Variants in POU6F2 observed in about 807,000 individuals in gnomAD.
POU6F2 encodes the protein POU domain, class 6, transcription factor 2.
A neutral mutation model predicts 71.3 loss-of-function variants in POU6F2; 31 were observed. The ratio of observed to expected loss-of-function variants is 0.43; its 90% CI spans 0.33 to 0.59. The LOEUF (loss-of-function observed/expected upper bound fraction) is 0.59. Ranked by LOEUF, POU6F2 falls within the 20% of genes least tolerant of loss-of-function variation. The pLI is 0.04. For synonymous variants in POU6F2, 347 were observed against 355.7 expected (o/e 0.98, Z 0.27); for missense variants, 783 against 856.8 (o/e 0.91, Z 1.07).
At chr7:39,301,425 T>A (rs1456661384) in intron 4 of POU6F2, among the ~76,000 whole-genome samples, 4 of 152,216 alleles carry the variant, frequency 2.6e-5, no homozygotes, top group African/African-American at 7.2e-5. Context: ...CCATTGTAGC[T>A]CGTTGTCATC....
intron 5 of POU6F2, among the ~76,000 whole-genome samples, chr7:39,389,308 C>T (rs991073077): frequency 1.3e-5 from 2 of 152,142 alleles, no homozygotes; most frequent in African/African-American, 4.8e-5. Context: ...AATCTTGTCA[C>T]TGATGAATTC....
chr7:39,068,821 T>G (rs549068225), intron 1 of POU6F2, among the ~76,000 whole-genome samples: 1 of 152,278 alleles, frequency 6.6e-6, no homozygotes, highest in South Asian at 2.1e-4. Flanking sequence ...TTCCTCAGAA[T>G]ATATCTTTAG....
At chr7:39,318,967 A>G (rs61642750) in intron 4 of POU6F2, among the ~76,000 whole-genome samples, 11,099 of 152,058 alleles carry the variant, frequency 0.073, 531 homozygotes, top group South Asian at 0.18. Context: ...ACATAGTGAG[A>G]CTCCATCTCT....
At chr7:39,142,325 C>T (rs1221847057) in intron 2 of POU6F2, among the ~76,000 whole-genome samples, 3 of 152,004 alleles carry the variant, frequency 2.0e-5, no homozygotes, top group Non-Finnish European at 2.9e-5. Context: ...TACCGTGAGC[C>T]GTAGAAAAGA....
chr7:39,326,886 A>G (rs977400508), intron 4 of POU6F2, among the ~76,000 whole-genome samples: 3 of 152,176 alleles, frequency 2.0e-5, no homozygotes, highest in African/African-American at 7.2e-5. Context: ...TCCCAGCTCC[A>G]GTTTCCCACC....
chr7:39,436,138 A>C (rs1788236417), intron 7 of POU6F2, among the ~76,000 whole-genome samples: 1 of 152,144 alleles, frequency 6.6e-6, no homozygotes, highest in African/African-American at 2.4e-5. Flanking sequence ...AATTTAAAAT[A>C]GTTTTTTCTA....
intron 5 of POU6F2, among the ~76,000 whole-genome samples, chr7:39,395,207 C>T (rs1239967070): frequency 1.3e-5 from 2 of 152,168 alleles, no homozygotes; most frequent in African/African-American, 4.8e-5. Context: ...CAAGGTCCTC[C>T]CTCTACAAGC....
intron 5 of POU6F2, among the ~76,000 whole-genome samples, chr7:39,404,409 T>A (rs1787372201): frequency 6.6e-6 from 1 of 152,228 alleles, no homozygotes; most frequent in Admixed American, 6.5e-5. Context: ...CCTATATGAA[T>A]TTTTGATCAA....
intron 5 of POU6F2, among the ~76,000 whole-genome samples, chr7:39,401,255 A>G (rs1431855306): frequency 1.3e-5 from 2 of 152,326 alleles, no homozygotes; most frequent in African/African-American, 4.8e-5. Flanking sequence ...GCAGTGGTCA[A>G]TGGAGACAGT....
chr7:39,132,629 A>G (rs1792310918), intron 2 of POU6F2: 1 of 152,150 alleles, frequency 6.6e-6, no homozygotes, highest in South Asian at 2.1e-4. Context: ...ATCTAACACA[A>G]TTGGTCACAT....
chr7:39,387,714 C>CT (rs2115820938), intron 5 of POU6F2, among the ~76,000 whole-genome samples: 1 of 152,320 alleles, frequency 6.6e-6, no homozygotes, highest in African/African-American at 2.4e-5. Flanking sequence ...TTTTCATTTG[C>CT]TACAGATGCT....
In POU6F2 at chr7:39,036,518, T is replaced by A. The variant is rs1028866727; in HGVS notation, c.106-49342T>A. Among the ~76,000 whole-genome samples the A allele has an allele frequency of 2.6e-5, 4 of 152,122 alleles. No individual in the cohort carries two copies. The East Asian group carries it at 5.8e-4, about 22-fold the overall frequency. On this transcript the variant is annotated intron_variant, in intron 1 of 9. Transcript: ENST00000518318. The stretch of plus-strand genomic sequence containing the variant: ...TAACTTTTAAGGCAGGATGTTTTTT[T>A]CTTTGCTTTACCAGTGACTCTATAA...
intron 4 of POU6F2, among the ~76,000 whole-genome samples, chr7:39,281,493 A>T (rs1784562466): frequency 6.6e-6 from 1 of 151,448 alleles, no homozygotes; most frequent in Non-Finnish European, 1.5e-5. Flanking sequence ...CCACTATTCT[A>T]CTTTCTATTT....
At chr7:39,250,144 C>T (rs185624947) in intron 4 of POU6F2, among the ~76,000 whole-genome samples, 6 of 152,264 alleles carry the variant, frequency 3.9e-5, no homozygotes, top group Admixed American at 3.3e-4. Flanking sequence ...TGCATTTTCA[C>T]GTGTCTTATT....
chr7:39,048,758 T>C (rs531778318), intron 1 of POU6F2, among the ~76,000 whole-genome samples: 2 of 152,142 alleles, frequency 1.3e-5, no homozygotes, highest in African/African-American at 4.8e-5. Context: ...ATTACCAAAC[T>C]GCTTTCCACA....
chr7:39,177,982 G>A (rs969376854), intron 2 of POU6F2, among the ~76,000 whole-genome samples: 2 of 152,234 alleles, frequency 1.3e-5, no homozygotes, highest in Admixed American at 6.5e-5. Context: ...TCAGCCAGGC[G>A]TGGTGGATCA....
intron 6 of POU6F2, among the ~76,000 whole-genome samples, chr7:39,421,937 T>A (rs1787859400): frequency 6.6e-6 from 1 of 152,220 alleles, no homozygotes; most frequent in Non-Finnish European, 1.5e-5. Context: ...ATTCTAGATA[T>A]TTTTGCTGGT....
chr7:39,148,545 G>T (rs966141884), intron 2 of POU6F2, among the ~76,000 whole-genome samples: 9 of 152,074 alleles, frequency 5.9e-5, no homozygotes, highest in African/African-American at 2.2e-4. Flanking sequence ...AGTGATAATG[G>T]TGATGATGAT....
chr7:39,432,493 C>T (rs926652904), intron 6 of POU6F2, among the ~76,000 whole-genome samples: 1 of 152,196 alleles, frequency 6.6e-6, no homozygotes, highest in African/African-American at 2.4e-5. Flanking sequence ...GAATGGAATC[C>T]TGTCACTCTG....
Sources: gnomAD v4.1 joint callset for allele counts (sites outside exome capture counted in the v4.1 genomes callset) on GRCh38, gnomAD v4.1.1 for gene constraint, MANE v1.5 for transcripts, NCBI Gene and HGNC (gene_info 2026-07-23, HGNC 2026-07-21) for gene names.